The following MAGI2 variants were observed in gnomAD, a reference collection of about 807,000 sequenced individuals.
MAGI2 encodes the protein membrane-associated guanylate kinase, WW and PDZ domain-containing protein 2.
A neutral mutation model predicts 133.3 loss-of-function variants in MAGI2; 35 were observed. The ratio of observed to expected loss-of-function variants is 0.26; its 90% CI spans 0.20 to 0.35. MAGI2 has a LOEUF of 0.35. Among genes scored for constraint, MAGI2 ranks in the 10% least tolerant of loss-of-function variants. MAGI2 has a pLI of 1.00. For synonymous variants in MAGI2, 729 were observed against 710.6 expected (o/e 1.03, Z -0.41); for missense variants, 1,636 against 1,863.4 (o/e 0.88, Z 2.25).
In MAGI2 at chr7:78,995,169, TG is replaced by T. The variant is rs953298949; in HGVS notation, c.418+11920del. On this transcript the variant is annotated intron_variant, in intron 2 of 21. Transcript: ENST00000354212. ...ATATACTAACACTAACAAAAGCTGA[TG>T]AAAAAAAAAATCACAAAAAAATCTC... Among the ~76,000 whole-genome samples, 80 of 151,470 alleles carry T rather than the reference TG, an allele frequency of 5.3e-4. 1 individual carries two copies. The highest frequency in any genetic ancestry group is 1.8e-3 in the African/African-American group (76 of 41,354).
intron 21 of MAGI2, among the ~76,000 whole-genome samples, chr7:78,043,128 A>G (rs974010566): frequency 1.3e-5 from 2 of 152,248 alleles, no homozygotes; most frequent in African/African-American, 4.8e-5. Flanking sequence ...TGCCTTCTTC[A>G]CAAAGCTGCC....
At chr7:79,243,103 G>A (rs1287400617) in intron 1 of MAGI2, among the ~76,000 whole-genome samples, 2 of 151,670 alleles carry the variant, frequency 1.3e-5, no homozygotes, top group African/African-American at 4.8e-5. Context: ...GTAATCCCGG[G>A]CAACAGAGCA....
intron 1 of MAGI2, among the ~76,000 whole-genome samples, chr7:79,210,781 T>C (rs1829435996): frequency 6.6e-6 from 1 of 152,048 alleles, no homozygotes; most frequent in South Asian, 2.1e-4. Flanking sequence ...TAAATTATAT[T>C]TTAAAATAGC....
intron 1 of MAGI2, among the ~76,000 whole-genome samples, chr7:79,309,593 C>A (rs1448548466): frequency 1.3e-5 from 2 of 151,806 alleles, no homozygotes; most frequent in Non-Finnish European, 2.9e-5. Context: ...GCTGAACAAT[C>A]TAGTAAAAAA....
chr7:78,557,334 C>T (rs1799941994), intron 3 of MAGI2, among the ~76,000 whole-genome samples: 1 of 152,086 alleles, frequency 6.6e-6, no homozygotes, highest in Non-Finnish European at 1.5e-5. Context: ...CCAAAGGAGC[C>T]AGTTAGCATT....
intron 2 of MAGI2, among the ~76,000 whole-genome samples, chr7:78,707,293 A>G (rs2151166361): frequency 6.6e-6 from 1 of 152,296 alleles, no homozygotes; most frequent in Non-Finnish European, 1.5e-5. Flanking sequence ...ATACCAAATC[A>G]CTGAGGTTTT....
At chr7:78,156,589 A>G (rs1279826811) in intron 16 of MAGI2, among the ~76,000 whole-genome samples, 1 of 152,142 alleles carries the variant, frequency 6.6e-6, no homozygotes, top group Non-Finnish European at 1.5e-5. Context: ...TGAGGTATTA[A>G]AGTGTTCTTT....
intron 3 of MAGI2, among the ~76,000 whole-genome samples, chr7:78,621,816 G>T (rs1807775732): frequency 6.6e-6 from 1 of 151,854 alleles, no homozygotes; most frequent in African/African-American, 2.4e-5. Flanking sequence ...TCTAACCAAA[G>T]GACAAATTAT....
intron 1 of MAGI2, among the ~76,000 whole-genome samples, chr7:79,442,366 T>C (rs1365827965): frequency 1.3e-5 from 2 of 152,142 alleles, no homozygotes; most frequent in East Asian, 1.9e-4. Flanking sequence ...CTGTTTTCCC[T>C]AAACTAAGGC....
intron 7 of MAGI2, among the ~76,000 whole-genome samples, chr7:78,367,155 T>A (rs1793466656): frequency 7.0e-6 from 1 of 142,676 alleles, no homozygotes; most frequent in Admixed American, 7.0e-5. Context: ...TAAGAAAAAT[T>A]TTCGTTTAGG....
intron 6 of MAGI2, among the ~76,000 whole-genome samples, chr7:78,424,400 C>T (rs1213564789): frequency 1.3e-5 from 2 of 152,122 alleles, no homozygotes; most frequent in African/African-American, 4.8e-5. Flanking sequence ...AGGGGTGGGG[C>T]CTTCATGGAG....
chr7:79,234,874 G>A (rs879344993), intron 1 of MAGI2, among the ~76,000 whole-genome samples: 2 of 151,572 alleles, frequency 1.3e-5, no homozygotes, highest in East Asian at 1.9e-4. Flanking sequence ...GGCGCTCTGC[G>A]TTTTAGAGTT....
At chr7:78,314,929 G>T (rs1787246618) in intron 9 of MAGI2, among the ~76,000 whole-genome samples, 1 of 152,034 alleles carries the variant, frequency 6.6e-6, no homozygotes, top group Admixed American at 6.6e-5. Context: ...TTAACTGTTG[G>T]GTATACCCCT....
At chr7:78,863,160 G>A (rs1027724954) in intron 2 of MAGI2, among the ~76,000 whole-genome samples, 2 of 152,188 alleles carry the variant, frequency 1.3e-5, no homozygotes, top group Non-Finnish European at 2.9e-5. Flanking sequence ...GGATAAAAAA[G>A]ACATGGAACA....
At chr7:79,349,846 T>A (rs543896113) in intron 1 of MAGI2, among the ~76,000 whole-genome samples, 1 of 152,172 alleles carries the variant, frequency 6.6e-6, no homozygotes, top group East Asian at 1.9e-4. Context: ...ATTCTATCAC[T>A]TACCCTCTCT....
At chr7:79,136,009 GAAAGAA>G (rs1562928838) in intron 1 of MAGI2, among the ~76,000 whole-genome samples, 181 of 115,658 alleles carry the variant, frequency 1.6e-3, no homozygotes, top group African/African-American at 6.7e-3. Context: ...GAAAGAGAAA[GAAAGAA>G]AGAAAGAAAG....
intron 11 of MAGI2, among the ~76,000 whole-genome samples, chr7:78,200,139 G>T (rs951819898): frequency 6.6e-6 from 1 of 152,144 alleles, no homozygotes; most frequent in African/African-American, 2.4e-5. Context: ...TGTTCTTTGT[G>T]GACCAGATGA....
intron 9 of MAGI2, among the ~76,000 whole-genome samples, chr7:78,295,140 T>A (rs912806860): frequency 2.0e-5 from 3 of 152,190 alleles, no homozygotes; most frequent in African/African-American, 7.2e-5. Flanking sequence ...AATATTTACA[T>A]AGGTATAACT....
chr7:78,698,254 T>C lies in MAGI2; in HGVS notation c.419-71015A>G, dbSNP rs866172913. Among the ~76,000 whole-genome samples the C allele has an allele frequency of 2.6e-5, 4 of 152,312 alleles. No individual in the cohort carries two copies. In the South Asian group the frequency reaches 6.2e-4, roughly 24 times the overall value. On this transcript the variant is annotated intron_variant, in intron 2 of 21. Transcript: ENST00000354212. ...CCTTTGATATTATACTGGTTGATCA[T>C]TCCTAATCTGAAAATTCGAAATCCA...
Sources: gnomAD v4.1 joint callset for allele counts (sites outside exome capture counted in the v4.1 genomes callset) on GRCh38, gnomAD v4.1.1 for gene constraint, MANE v1.5 for transcripts, NCBI Gene and HGNC (gene_info 2026-07-23, HGNC 2026-07-21) for gene names.